Variants in RAI1 observed in about 807,000 individuals in gnomAD.
The protein encoded by RAI1 is retinoic acid-induced protein 1.
In RAI1, 9 loss-of-function variants were observed where a neutral mutation model predicts 123.8. The observed-to-expected ratio is 0.07, with a 90% CI of 0.04 to 0.13. RAI1 has a LOEUF of 0.13. Ranked by LOEUF, RAI1 falls within the 10% of genes least tolerant of loss-of-function variation. RAI1 has a pLI of 1.00. For missense variants in RAI1, 2,256 were observed against 2,545.8 expected (o/e 0.89, Z 2.45); for synonymous variants, 1,231 against 1,127.3 (o/e 1.09, Z -1.84).
chr17:17,745,594 C>T (rs966832488), intron 2 of RAI1, among the ~76,000 whole-genome samples: 3 of 152,056 alleles, frequency 2.0e-5, no homozygotes, highest in Admixed American at 1.3e-4. Context: ...GACAGGGTTT[C>T]ACCATGTTGG....
intron 2 of RAI1, among the ~76,000 whole-genome samples, chr17:17,745,020 T>G (rs1916779093): frequency 6.6e-6 from 1 of 152,062 alleles, no homozygotes; most frequent in South Asian, 2.1e-4. Context: ...ACAGTCCTGG[T>G]GGGGAGACTG....
At chr17:17,694,118 G>C (rs376136261) in intron 1 of RAI1, among the ~76,000 whole-genome samples, 1 of 152,198 alleles carries the variant, frequency 6.6e-6, no homozygotes, top group Non-Finnish European at 1.5e-5. Flanking sequence ...GGGTCTCCTG[G>C]GAGCTGCTAG....
Position 17,763,488 on chromosome 17 carries a change from A to T in RAI1, c.-16-29445A>T, listed in dbSNP as rs571673304. On this transcript the variant is annotated intron_variant, in intron 2 of 5. Coordinates refer to ENST00000353383, the MANE Select transcript of RAI1 (RefSeq NM_030665.4). ...AGAGGGGTGAGCTGTGCTGGGGCAG[A>T]GGGGGCACCGAGGGACCCTGGGAGC... 8.5e-4 allele frequency among the ~76,000 whole-genome samples: 129 copies of T among 152,322 alleles called. 1 individual carries two copies. The highest frequency in any genetic ancestry group is 3.4e-3 in the Middle Eastern group (1 of 294).
In RAI1 at chr17:17,723,671, C is replaced by A. The variant is rs537489679; in HGVS notation, c.-148-357C>A. Among the ~76,000 whole-genome samples, 683 of 148,966 alleles carry A rather than the reference C, an allele frequency of 4.6e-3. 4 individuals carry two copies. Among genetic ancestry groups the A allele is most frequent in the Middle Eastern group, 6.9e-3 (2 of 288 alleles). ...CCTTCCCGAGCTCATCTCTCGCCCC[C>A]CCGCCCGCCTCCTCCTTCCCTGCCC... is the stretch of plus-strand genomic sequence containing the variant. On this transcript the variant is annotated intron_variant, in intron 1 of 5. Coordinates refer to ENST00000353383, the MANE Select transcript of RAI1 (RefSeq NM_030665.4).
At chr17:17,779,480 G>A (rs1260962448) in intron 2 of RAI1, 1 of 157,134 alleles carries the variant, frequency 6.4e-6, no homozygotes, top group East Asian at 1.9e-4. Context: ...TTAGTCTGTT[G>A]TCGGGGAGGG....
chr17:17,709,315 G>A (rs1017879297), intron 1 of RAI1, among the ~76,000 whole-genome samples: 7 of 152,120 alleles, frequency 4.6e-5, no homozygotes, highest in Non-Finnish European at 7.4e-5. Flanking sequence ...GCTGTTTGCC[G>A]TATCAAGGGG....
At chr17:17,726,269 GCAAGGCTT>G (rs1916086897) in intron 2 of RAI1, among the ~76,000 whole-genome samples, 1 of 152,226 alleles carries the variant, frequency 6.6e-6, no homozygotes, top group Non-Finnish European at 1.5e-5. Flanking sequence ...AGACTCCTGA[GCAAGGCTT>G]TGCCCTGCTC....
intron 1 of RAI1, among the ~76,000 whole-genome samples, chr17:17,692,168 A>G (rs940663567): frequency 2.0e-5 from 3 of 152,174 alleles, no homozygotes; most frequent in African/African-American, 4.8e-5. Flanking sequence ...TAATTAAACA[A>G]AGAGGACCTG....
chr17:17,692,136 C>A (rs1914859082), intron 1 of RAI1, among the ~76,000 whole-genome samples: 1 of 152,196 alleles, frequency 6.6e-6, no homozygotes, highest in South Asian at 2.1e-4. Flanking sequence ...GTGACACTGT[C>A]CCCTGGGGCC....
Position 17,810,189 on chromosome 17 carries a change from G to A in RAI1, c.*208G>A, listed in dbSNP as rs1598102813. On this transcript the variant is annotated 3_prime_UTR_variant, in exon 6 of 6. Transcript: ENST00000353383. This position sits in a 1 kb window ranked among gnomAD's most constrained non-coding sequence, Gnocchi z 4.6. ...GGTTGGGAGGAAAACCCGTTCCGGA[G>A]CCGCCTGCTCCCGGAACCGGACGGC... 1.4e-6 allele frequency: 1 copy of A among 703,322 alleles called. No homozygotes were observed. The highest frequency in any genetic ancestry group is 2.0e-5 in the South Asian group (1 of 50,294). The allele number at this position is 703,322 out of a possible 1,614,324, so 43.6% of individuals were successfully genotyped here. A position where few individuals can be genotyped will look rare whatever the true frequency, so the allele number is the denominator to read the frequency against.
At chr17:17,717,341 G>A (rs1915742395) in intron 1 of RAI1, among the ~76,000 whole-genome samples, 1 of 152,164 alleles carries the variant, frequency 6.6e-6, no homozygotes, top group African/African-American at 2.4e-5. Context: ...GGGCCCAGCT[G>A]TTCCCATGGC....
chr17:17,715,118 A>G (rs71367411), intron 1 of RAI1, among the ~76,000 whole-genome samples: 31 of 152,214 alleles, frequency 2.0e-4, no homozygotes, highest in Non-Finnish European at 4.1e-4. Context: ...ACTGGGGGTG[A>G]GCAGGGGATG....
At chr17:17,808,438 T>TC (rs1491485179) in intron 4 of RAI1, among the ~76,000 whole-genome samples, 2 of 148,736 alleles carry the variant, frequency 1.3e-5, no homozygotes, top group African/African-American at 5.0e-5. Flanking sequence ...TTTTATTTTA[T>TC]TTTATTTTAT....
At chr17:17,701,330 G>A (rs540672278) in intron 1 of RAI1, among the ~76,000 whole-genome samples, 1 of 152,174 alleles carries the variant, frequency 6.6e-6, no homozygotes, top group Non-Finnish European at 1.5e-5. Flanking sequence ...TGCCTAGGCA[G>A]GGGGCTGTGA....
intron 4 of RAI1, among the ~76,000 whole-genome samples, chr17:17,808,142 G>A (rs1472122562): frequency 2.6e-5 from 4 of 152,166 alleles, no homozygotes; most frequent in East Asian, 3.9e-4. Flanking sequence ...GGCTTTGGGG[G>A]AGGGGAGCCG....
chr17:17,762,389 G>A (rs1003993147), intron 2 of RAI1, among the ~76,000 whole-genome samples: 3 of 152,082 alleles, frequency 2.0e-5, no homozygotes, highest in African/African-American at 7.3e-5. Flanking sequence ...GTTGGAGTGT[G>A]CATGGGAGCG....
chr17:17,736,498 T>A (rs1916440442), intron 2 of RAI1, among the ~76,000 whole-genome samples: 1 of 152,144 alleles, frequency 6.6e-6, no homozygotes, highest in African/African-American at 2.4e-5. Flanking sequence ...CTGTAGGAGA[T>A]GTAGAAGGAA....
chr17:17,694,656 C>T (rs1914951579), intron 1 of RAI1, among the ~76,000 whole-genome samples: 1 of 151,726 alleles, frequency 6.6e-6, no homozygotes, highest in Admixed American at 6.6e-5. Flanking sequence ...TTGGCCGCGC[C>T]GGAGCCTCCT....
chr17:17,733,966 G>A (rs1240921584), intron 2 of RAI1, among the ~76,000 whole-genome samples: 8 of 152,166 alleles, frequency 5.3e-5, no homozygotes, highest in African/African-American at 1.9e-4. Flanking sequence ...CTGGGACCAC[G>A]TGTACGTTCT....
Sources: allele counts gnomAD v4.1 joint callset (sites outside exome capture counted in the v4.1 genomes callset), GRCh38; gene constraint gnomAD v4.1.1; non-coding constraint Gnocchi (gnomAD v3.1); transcripts MANE v1.5; gene names NCBI Gene and HGNC (gene_info 2026-07-23, HGNC 2026-07-21).